UXS1: variants seen among roughly 807,000 people sequenced by gnomAD.
UXS1 encodes the protein UDP-glucuronic acid decarboxylase 1.
UXS1 carries 33 observed loss-of-function variants against 62.6 expected under a neutral mutation model. The observed-to-expected ratio is 0.53, with a 90% confidence interval of 0.40 to 0.70. The LOEUF is 0.70. Among genes scored for constraint, UXS1 ranks in the 30% least tolerant of loss-of-function variants. The pLI, the probability that UXS1 is intolerant of heterozygous loss-of-function variation, is 0.00. For missense variants in UXS1, 434 were observed against 556.3 expected, an observed-to-expected ratio of 0.78 and a Z score of 2.21; for synonymous variants, 213 against 206.8, an observed-to-expected ratio of 1.03 and a Z score of -0.26.
intron 14 of UXS1, among the ~76,000 whole-genome samples, chr2:106,095,651 A>T (rs1289517102): frequency 6.6e-6 from 1 of 152,214 alleles, no homozygotes; most frequent in Non-Finnish European, 1.5e-5. Context: ...CCTGCTGGAC[A>T]CAGGGCTACA....
intron 1 of UXS1, among the ~76,000 whole-genome samples, chr2:106,182,118 A>G (rs1353018382): frequency 6.6e-6 from 1 of 152,256 alleles, no homozygotes; most frequent in Non-Finnish European, 1.5e-5. Context: ...AAGAAATTAC[A>G]AAACTTTGCT....
At chr2:106,190,735 C>A (rs992537914) in intron 1 of UXS1, among the ~76,000 whole-genome samples, 5 of 91,128 alleles carry the variant, frequency 5.5e-5, no homozygotes, top group Non-Finnish European at 8.1e-5. Context: ...AAAAGCGAAA[C>A]TCTGTATCAA....
chr2:106,177,106 A>G (rs4241224), intron 1 of UXS1, among the ~76,000 whole-genome samples: 149,156 of 152,286 alleles, frequency 0.98, 73,105 homozygotes, highest in South Asian at 1. Context: ...TAAAATGCCA[A>G]CGTTAAGTAA....
chr2:106,184,518 A>C (rs1212401635), intron 1 of UXS1, among the ~76,000 whole-genome samples: 1 of 152,206 alleles, frequency 6.6e-6, no homozygotes, highest in Non-Finnish European at 1.5e-5. Flanking sequence ...TTTGTTTCTC[A>C]CAGTTATGAA....
chr2:106,096,203 T>C (rs1048611631), intron 14 of UXS1, among the ~76,000 whole-genome samples: 1 of 149,100 alleles, frequency 6.7e-6, no homozygotes, highest in African/African-American at 2.5e-5. Flanking sequence ...TGTGTGTGTG[T>C]GTATGTATGT....
At chr2:106,123,425 G>A (rs975537746) in intron 8 of UXS1, among the ~76,000 whole-genome samples, 2 of 152,142 alleles carry the variant, frequency 1.3e-5, no homozygotes, top group Non-Finnish European at 2.9e-5. Flanking sequence ...AGAGATATGT[G>A]GTTTTGTTTT....
chr2:106,181,036 A>G (rs1458698449), intron 1 of UXS1, among the ~76,000 whole-genome samples: 3 of 152,262 alleles, frequency 2.0e-5, no homozygotes, highest in Non-Finnish European at 4.4e-5. Context: ...GAATCTCCTT[A>G]GTTTTCTGAT....
intron 10 of UXS1, among the ~76,000 whole-genome samples, chr2:106,111,673 A>G (rs1322742670): frequency 6.6e-5 from 10 of 152,222 alleles, no homozygotes; most frequent in Non-Finnish European, 4.4e-5. Flanking sequence ...TCACCTGCAG[A>G]TCATAGGACA....
At chr2:106,173,435 T>C (rs1683686592) in intron 1 of UXS1, among the ~76,000 whole-genome samples, 1 of 152,096 alleles carries the variant, frequency 6.6e-6, no homozygotes, top group Admixed American at 6.6e-5. Context: ...ACACCTGTGG[T>C]CCCTGCTACT....
chr2:106,169,327 G>C (rs747515113), intron 1 of UXS1, among the ~76,000 whole-genome samples: 22 of 152,222 alleles, frequency 1.4e-4, no homozygotes, highest in Admixed American at 2.6e-4. Flanking sequence ...GCACCTTTTG[G>C]CAGACTTTTC....
chr2:106,129,571 A>C, intron 7 of UXS1, 103 bp downstream of exon 7: 1 of 972,194 alleles, frequency 1.0e-6, no homozygotes. Context: ...GGACGAGGGA[A>C]CACACTCAGA....
rs11446957 is a variant in UXS1, at chr2:106,165,818, C to CG, written c.122+237dup. Among the ~76,000 whole-genome samples the CG allele has an allele frequency of 1.2e-4, 19 of 152,246 alleles. No individual in the cohort carries two copies. The South Asian group carries it at 1.7e-3, about 13-fold the overall frequency. On this transcript the variant is annotated intron_variant, in intron 2 of 14. Transcript: ENST00000283148. ...TTTATTATCTACACAAGGAGGGAAG[C>CG]GGGGGTGGCCGACCATTGTTTTACT...
intron 6 of UXS1, among the ~76,000 whole-genome samples, chr2:106,141,348 T>C (rs1442607914): frequency 6.6e-6 from 1 of 152,236 alleles, no homozygotes; most frequent in Non-Finnish European, 1.5e-5. Context: ...CTGGGTCACA[T>C]ACAAACACTG....
At chr2:106,166,268 G>T (rs1171721066) in intron 1 of UXS1, 185 bp from the exon 2 acceptor site, 3 of 585,726 alleles carry the variant, frequency 5.1e-6, no homozygotes, top group African/African-American at 1.9e-5. Flanking sequence ...GTAAAAACAG[G>T]ATCGTAGAGT....
Position 106,094,057 on chromosome 2 carries a change from C to G in UXS1, c.1247G>C (p.Arg416Thr). ...NQYIPKPKPA[R>T]IKKGRTRHS ...GTGGCGAGTCCGTCCTTTCTTTATT[C>G]TGGCAGGCTTTGGTTTGGGGATGTA... The change falls in exon 15 of 15, where the codon AGA becomes ACA. Residue 416 changes from arginine (R) to threonine (T), a missense_variant. Physicochemically the swap from Arg to Thr is moderately conservative, Grantham distance 71. This residue lies in a region of UXS1 where 209 missense variants were observed against 233.3 expected (regional missense o/e 0.90). Coordinates refer to ENST00000283148, the MANE Select transcript of UXS1 (RefSeq NM_001253875.2). The G allele has an allele frequency of 6.2e-7, 1 of 1,612,922 alleles. No homozygotes were observed. The highest frequency in any genetic ancestry group is 8.5e-7 in the Non-Finnish European group (1 of 1,179,630).
chr2:106,099,240 G>A (rs1197974435), intron 12 of UXS1, among the ~76,000 whole-genome samples: 3 of 152,194 alleles, frequency 2.0e-5, no homozygotes, highest in African/African-American at 4.8e-5. Context: ...GCTCACAGGC[G>A]AGTGTCCCCG....
chr2:106,154,894 G>T (rs1682312775), intron 5 of UXS1, among the ~76,000 whole-genome samples: 1 of 152,172 alleles, frequency 6.6e-6, no homozygotes, highest in Admixed American at 6.5e-5. Context: ...AAGCAAAGAG[G>T]TTTATTTGGC....
chr2:106,111,841 C>A (rs1396056457), intron 10 of UXS1, among the ~76,000 whole-genome samples: 1 of 152,292 alleles, frequency 6.6e-6, no homozygotes, highest in South Asian at 2.1e-4. Flanking sequence ...CGACTCGAGT[C>A]CCACAAAATG....
At chr2:106,165,984 T>A (rs1683186604) in intron 2 of UXS1, 72 bp downstream of exon 2, 1 of 1,414,246 alleles carries the variant, frequency 7.1e-7, no homozygotes, top group African/African-American at 1.5e-5. Flanking sequence ...ATGACATCCA[T>A]GGTATATATG....
Sources: allele counts gnomAD v4.1 joint callset (sites outside exome capture counted in the v4.1 genomes callset), GRCh38; gene constraint gnomAD v4.1.1; regional missense constraint gnomAD v4.1.1; transcripts MANE v1.5; gene names NCBI Gene and HGNC (gene_info 2026-07-23, HGNC 2026-07-21).